The following HDAC9 variants were observed in gnomAD, a reference collection of about 807,000 sequenced individuals.
HDAC9 encodes MEF-2 interacting transcription repressor (MITR) protein.
A neutral mutation model predicts 139.4 loss-of-function variants in HDAC9; 41 were observed. The observed-to-expected ratio is 0.29, with a 90% CI of 0.23 to 0.38. HDAC9 has a LOEUF of 0.38. Among genes scored for constraint, HDAC9 ranks in the 10% least tolerant of loss-of-function variants. The probability of loss-of-function intolerance (pLI) is 1.00; values close to 1 mark genes in which losing one functional copy is unlikely to be tolerated. For missense variants in HDAC9, 1,147 were observed against 1,297.0 expected (o/e 0.88, Z 1.78); for synonymous variants, 517 against 476.2 (o/e 1.09, Z -1.12).
At chr7:18,138,277 A>G (rs1785595200) in intron 1 of HDAC9, among the ~76,000 whole-genome samples, 1 of 151,910 alleles carries the variant, frequency 6.6e-6, no homozygotes, top group South Asian at 2.1e-4. Context: ...CATTCTTTGT[A>G]AGGGTTCTAA....
intron 1 of HDAC9, among the ~76,000 whole-genome samples, chr7:18,122,905 C>T (rs1175105605): frequency 9.9e-5 from 15 of 152,168 alleles, no homozygotes; most frequent in Non-Finnish European, 4.4e-5. Flanking sequence ...AGCCACAGTG[C>T]CCAGCCTGGA....
At position 18,765,423 on chromosome 7, in the gene HDAC9, C is replaced by T. The variant is rs189212939; in HGVS notation, c.2165-1683C>T. Among the ~76,000 whole-genome samples, 205 of 152,048 alleles carry T rather than the reference C, an allele frequency of 1.3e-3. 1 individual carries two copies. The highest frequency in any genetic ancestry group is 4.7e-3 in the African/African-American group (196 of 41,474). ...GATCACGAGGTCAGGAGATGGAGAC[C>T]AGGCTGGCAAACATGGTGAAACCCC... On this transcript the variant is annotated intron_variant, in intron 15 of 25. Coordinates refer to ENST00000686413, the MANE Select transcript of HDAC9 (RefSeq NM_178425.4).
At chr7:18,924,264 A>T (rs1804014252) in intron 22 of HDAC9, among the ~76,000 whole-genome samples, 1 of 152,160 alleles carries the variant, frequency 6.6e-6, no homozygotes, top group African/African-American at 2.4e-5. Context: ...TATTTTAAAA[A>T]TCATCAATAA....
intron 24 of HDAC9, among the ~76,000 whole-genome samples, chr7:18,963,599 A>G (rs757380912): frequency 6.6e-5 from 10 of 152,202 alleles, no homozygotes; most frequent in Non-Finnish European, 1.5e-4. Context: ...TAATAGATAA[A>G]GAGTATTCAT....
chr7:18,838,693 C>G (rs551829265), intron 21 of HDAC9, among the ~76,000 whole-genome samples: 2 of 151,954 alleles, frequency 1.3e-5, no homozygotes, highest in East Asian at 3.9e-4. Flanking sequence ...AGTATTGAAC[C>G]AGAAGATCTT....
intron 13 of HDAC9, among the ~76,000 whole-genome samples, chr7:18,741,080 A>G (rs1269869354): frequency 6.6e-6 from 1 of 152,214 alleles, no homozygotes; most frequent in Non-Finnish European, 1.5e-5. Flanking sequence ...TGAAAGTGGA[A>G]GGTAAAGCAG....
At chr7:18,329,931 C>G (rs1178174424) in intron 1 of HDAC9, among the ~76,000 whole-genome samples, 1 of 151,294 alleles carries the variant, frequency 6.6e-6, no homozygotes, top group Non-Finnish European at 1.5e-5. Flanking sequence ...GTATATTTTA[C>G]TTCTAAGGTA....
chr7:18,319,682 GCACTTCTGTTGTGTT>G (rs1403548402), intron 1 of HDAC9, among the ~76,000 whole-genome samples: 3 of 152,110 alleles, frequency 2.0e-5, no homozygotes, highest in African/African-American at 7.2e-5. Context: ...AATTTAAGAG[GCACTTCTGTTGTGTT>G]CCTCAAAAAA....
At chr7:18,235,849 A>T in intron 2 of HDAC9, among the ~76,000 whole-genome samples, 1 of 152,198 alleles carries the variant, frequency 6.6e-6, no homozygotes, top group East Asian at 1.9e-4. Flanking sequence ...TGTATACTGG[A>T]TCAATACTAT....
chr7:18,197,796 G>A (rs1239264860), intron 2 of HDAC9, among the ~76,000 whole-genome samples: 17 of 152,138 alleles, frequency 1.1e-4, no homozygotes, highest in Non-Finnish European at 2.5e-4. Context: ...GAGATTTGTA[G>A]ACATTGTTTT....
chr7:18,304,442 A>G (rs1798779830), intron 1 of HDAC9, among the ~76,000 whole-genome samples: 2 of 152,198 alleles, frequency 1.3e-5, no homozygotes, highest in South Asian at 2.1e-4. Context: ...GCATTCCATA[A>G]GTGCTAATAG....
chr7:18,611,016 T>G (rs780310623), intron 6 of HDAC9, among the ~76,000 whole-genome samples: 2 of 152,212 alleles, frequency 1.3e-5, no homozygotes, highest in Non-Finnish European at 2.9e-5. Context: ...AATAGAGTCA[T>G]GTGAAATCCT....
intron 1 of HDAC9, among the ~76,000 whole-genome samples, chr7:18,472,296 C>T (rs1563022082): frequency 6.6e-6 from 1 of 152,182 alleles, no homozygotes; most frequent in Non-Finnish European, 1.5e-5. Context: ...ATCTACTCAT[C>T]TCTGGTTCTG....
intron 2 of HDAC9, among the ~76,000 whole-genome samples, chr7:18,576,966 T>C (rs1019409637): frequency 6.6e-6 from 1 of 152,206 alleles, no homozygotes; most frequent in Non-Finnish European, 1.5e-5. Context: ...AGAGAGACTC[T>C]TTTCCATTAG....
At chr7:18,421,530 A>G (rs530383687) in intron 1 of HDAC9, among the ~76,000 whole-genome samples, 62 of 152,292 alleles carry the variant, frequency 4.1e-4, no homozygotes, top group African/African-American at 1.4e-3. Flanking sequence ...AGAATAAAAC[A>G]GAAAGAACAC....
At chr7:18,822,378 G>T (rs1349977745) in intron 17 of HDAC9, among the ~76,000 whole-genome samples, 2 of 151,898 alleles carry the variant, frequency 1.3e-5, no homozygotes, top group Non-Finnish European at 2.9e-5. Context: ...GTTTGAGATG[G>T]AGTCTCACTC....
At chr7:18,144,105 G>A (rs942259715) in intron 1 of HDAC9, among the ~76,000 whole-genome samples, 1 of 152,038 alleles carries the variant, frequency 6.6e-6, no homozygotes, top group East Asian at 1.9e-4. Context: ...AATAATAAAA[G>A]CAGTGTTATT....
intron 2 of HDAC9, among the ~76,000 whole-genome samples, chr7:18,225,697 A>G (rs1793009024): frequency 6.6e-6 from 1 of 152,104 alleles, no homozygotes; most frequent in African/African-American, 2.4e-5. Context: ...TGGAGGAGAA[A>G]AAATTCACTG....
intron 7 of HDAC9, among the ~76,000 whole-genome samples, chr7:18,630,828 G>T (rs1647434825): frequency 6.6e-6 from 1 of 152,074 alleles, no homozygotes; most frequent in Admixed American, 6.6e-5. Flanking sequence ...GGGGTGGGCA[G>T]TTGAGGAGTG....
Sources: allele counts gnomAD v4.1 joint callset (sites outside exome capture counted in the v4.1 genomes callset), GRCh38; gene constraint gnomAD v4.1.1; transcripts MANE v1.5; gene names NCBI Gene and HGNC (gene_info 2026-07-23, HGNC 2026-07-21).